SDK1: variants seen among roughly 807,000 people sequenced by gnomAD.
SDK1 encodes protein sidekick-1.
A neutral mutation model predicts 245.5 loss-of-function variants in SDK1; 157 were observed. That is an observed-to-expected ratio of 0.64 (90% confidence interval 0.56 to 0.73). The LOEUF (loss-of-function observed/expected upper bound fraction) is 0.73. Ranked by LOEUF, SDK1 falls within the 30% of genes least tolerant of loss-of-function variation. The pLI is 0.00. For missense variants in SDK1, 3,583 were observed against 3,002.3 expected, an observed-to-expected ratio of 1.19 and a Z score of -4.52; for synonymous variants, 1,647 against 1,278.5, an observed-to-expected ratio of 1.29 and a Z score of -6.15.
At chr7:3,811,744 G>A (rs1779389753) in intron 4 of SDK1, among the ~76,000 whole-genome samples, 4 of 152,206 alleles carry the variant, frequency 2.6e-5, no homozygotes. Flanking sequence ...TCCGGTGGAA[G>A]GCACGTGGGT....
At chr7:4,113,268 C>T (rs775399152) in intron 23 of SDK1, 21 bp from the exon 24 acceptor site, 1 of 1,609,820 alleles carries the variant, frequency 6.2e-7, no homozygotes, top group Admixed American at 1.7e-5. Context: ...CCGTGACTCT[C>T]ATCAGTGGTT....
At chr7:3,968,875 A>G (rs1041350987) in intron 10 of SDK1, among the ~76,000 whole-genome samples, 2 of 152,242 alleles carry the variant, frequency 1.3e-5, no homozygotes, top group African/African-American at 4.8e-5. Context: ...GCAATTTACA[A>G]AGAAAAGAGG....
At chr7:3,325,189 T>TA (rs1348295628) in intron 1 of SDK1, among the ~76,000 whole-genome samples, 1 of 152,138 alleles carries the variant, frequency 6.6e-6, no homozygotes, top group African/African-American at 2.4e-5. Flanking sequence ...TTTGAGATCT[T>TA]ACAACCATAG....
intron 35 of SDK1, among the ~76,000 whole-genome samples, chr7:4,190,684 G>T (rs1333501623): frequency 6.6e-6 from 1 of 152,254 alleles, no homozygotes; most frequent in South Asian, 2.1e-4. Flanking sequence ...CTGGGAGCTT[G>T]GCCCACCCCT....
At chr7:3,344,878 A>G (rs1206641918) in intron 1 of SDK1, among the ~76,000 whole-genome samples, 1 of 152,246 alleles carries the variant, frequency 6.6e-6, no homozygotes, top group Non-Finnish European at 1.5e-5. Flanking sequence ...GATTACTGCC[A>G]GTCTTACTGT....
rs545648836 is a variant in SDK1 at position 4,121,463 on chromosome 7, C to G, written c.3824-5918C>G. Among the ~76,000 whole-genome samples the G allele has an allele frequency of 1.3e-5, 2 of 152,324 alleles. 1 individual carries two copies. The highest frequency in any genetic ancestry group is 4.8e-5 in the African/African-American group (2 of 41,566). On this transcript the variant is annotated intron_variant, in intron 25 of 44. Transcript: ENST00000404826. Reference sequence around the variant, plus strand: ...TAAGGGGCTCTTCCTCCTTTACTCTCTCTTTTCTCTCCTGCTGGCATGTGA... The same window carrying G: ...TAAGGGGCTCTTCCTCCTTTACTCTGTCTTTTCTCTCCTGCTGGCATGTGA...
intron 5 of SDK1, among the ~76,000 whole-genome samples, chr7:3,853,702 G>A (rs1168260823): frequency 6.6e-6 from 1 of 151,996 alleles, no homozygotes; most frequent in African/African-American, 2.4e-5. Context: ...AAAAAGCTTT[G>A]GATTTTGGTC....
At chr7:3,403,832 T>C (rs1307495195) in intron 1 of SDK1, among the ~76,000 whole-genome samples, 4 of 43,396 alleles carry the variant, frequency 9.2e-5, no homozygotes, top group South Asian at 8.1e-4. Context: ...TACATATATA[T>C]ATATATATAT....
intron 40 of SDK1, 42 bp from the exon 41 acceptor site, chr7:4,233,213 G>T: frequency 6.3e-7 from 1 of 1,581,494 alleles, no homozygotes; most frequent in Non-Finnish European, 8.6e-7. Flanking sequence ...CTGGGACTTC[G>T]CACTTCTAAC....
At chr7:4,175,505 G>A (rs935839139) in intron 33 of SDK1, among the ~76,000 whole-genome samples, 7 of 152,234 alleles carry the variant, frequency 4.6e-5, no homozygotes, top group Non-Finnish European at 1.0e-4. Context: ...CCAAAAACTA[G>A]CATGTTTCAC....
chr7:3,621,393 G>A (rs1027637189), intron 2 of SDK1, among the ~76,000 whole-genome samples: 6 of 152,084 alleles, frequency 3.9e-5, no homozygotes, highest in African/African-American at 1.4e-4. Context: ...ATTTTTATGA[G>A]AGTTCTCTTA....
chr7:3,561,368 A>T (rs1779745185), intron 1 of SDK1, among the ~76,000 whole-genome samples: 1 of 152,190 alleles, frequency 6.6e-6, no homozygotes, highest in South Asian at 2.1e-4. Flanking sequence ...GCTTTTATTG[A>T]AGAAAAGAAA....
At chr7:3,304,898 G>A (rs538601929) in intron 1 of SDK1, among the ~76,000 whole-genome samples, 1 of 152,158 alleles carries the variant, frequency 6.6e-6, no homozygotes, top group African/African-American at 2.4e-5. Flanking sequence ...CTTGAGGTTT[G>A]ATCTGGGCAT....
intron 24 of SDK1, 61 bp from the exon 25 acceptor site, chr7:4,113,976 C>G: frequency 6.9e-7 from 1 of 1,448,464 alleles, no homozygotes; most frequent in South Asian, 1.2e-5. Context: ...CCATCCCTTA[C>G]AACCCGTGAG....
At chr7:4,038,773 C>T (rs2128161254) in intron 17 of SDK1, among the ~76,000 whole-genome samples, 1 of 152,304 alleles carries the variant, frequency 6.6e-6, no homozygotes, top group South Asian at 2.1e-4. Context: ...TCAATACTCC[C>T]ACTTCTTATT....
intron 28 of SDK1, among the ~76,000 whole-genome samples, chr7:4,139,691 A>ATGTGTGTGTGTGTATG (rs1199051674): frequency 1.8e-5 from 2 of 110,466 alleles, no homozygotes. Flanking sequence ...GTGTGTGTGT[A>ATGTGTGTGTGTGTATG]TGTGTGTGTG....
At chr7:3,772,559 TA>T (rs1468523931) in intron 4 of SDK1, among the ~76,000 whole-genome samples, 2 of 152,174 alleles carry the variant, frequency 1.3e-5, no homozygotes, top group Non-Finnish European at 2.9e-5. Flanking sequence ...TAATTGCTTT[TA>T]AAAAAAGTAT....
At chr7:3,884,604 A>G (rs898962792) in intron 5 of SDK1, among the ~76,000 whole-genome samples, 2 of 152,146 alleles carry the variant, frequency 1.3e-5, no homozygotes, top group Non-Finnish European at 2.9e-5. Context: ...CTTTGAGCAC[A>G]TATTGTGTGC....
chr7:3,957,883 C>T (rs565426510), intron 7 of SDK1, among the ~76,000 whole-genome samples: 52 of 152,330 alleles, frequency 3.4e-4, no homozygotes, highest in African/African-American at 1.2e-3. Flanking sequence ...TCTCCTCAGC[C>T]GGAGTGGTTG....
Sources: gnomAD v4.1 joint callset for allele counts (sites outside exome capture counted in the v4.1 genomes callset) on GRCh38, gnomAD v4.1.1 for gene constraint, MANE v1.5 for transcripts, NCBI Gene and HGNC (gene_info 2026-07-23, HGNC 2026-07-21) for gene names.